ABR: variants seen among roughly 807,000 people sequenced by gnomAD.
ABR encodes active breakpoint cluster region-related protein.
In ABR, 35 loss-of-function variants were observed where a neutral mutation model predicts 107.2. The ratio of observed to expected loss-of-function variants is 0.33; its 90% CI spans 0.25 to 0.43. The LOEUF is 0.43. Among genes scored for constraint, ABR ranks in the 20% least tolerant of loss-of-function variants. ABR has a pLI of 1.00. For missense variants in ABR, 815 were observed against 1,115.2 expected (o/e 0.73, Z 3.83); for synonymous variants, 498 against 462.0 (o/e 1.08, Z -1.00).
At chr17:1,073,818 C>T in intron 6 of ABR, 141 bp from the exon 7 acceptor site, 2 of 676,442 alleles carry the variant, frequency 3.0e-6, no homozygotes, top group Non-Finnish European at 2.4e-6. Flanking sequence ...CCCACGGCAG[C>T]CCCCACCTCT....
At chr17:1,191,153 G>T (rs906298558), upstream of ABR, among the ~76,000 whole-genome samples, 3 of 152,084 alleles carry the variant, frequency 2.0e-5, no homozygotes, top group Admixed American at 2.0e-4. Context: ...CCAAAACAAA[G>T]AAATAAACAA....
At chr17:1,025,494 C>T (rs2072120884) in intron 16 of ABR, among the ~76,000 whole-genome samples, 1 of 152,184 alleles carries the variant, frequency 6.6e-6, no homozygotes, top group Admixed American at 6.5e-5. Flanking sequence ...GGATTAAAGG[C>T]CCTGTCCTGA....
chr17:1,109,270 G>C (rs1323672177), intron 2 of ABR, among the ~76,000 whole-genome samples: 1 of 151,880 alleles, frequency 6.6e-6, no homozygotes, highest in Non-Finnish European at 1.5e-5. Context: ...GTCCTCGCCC[G>C]GCGAAAGGGG....
upstream of ABR, among the ~76,000 whole-genome samples, chr17:1,188,378 G>A (rs376011438): frequency 6.6e-6 from 1 of 151,472 alleles, no homozygotes; most frequent in Non-Finnish European, 1.5e-5. Context: ...GTGAAACTCC[G>A]TCTCTACTAA....
At chr17:1,043,565 C>A (rs554488806) in intron 16 of ABR, among the ~76,000 whole-genome samples, 150 of 152,088 alleles carry the variant, frequency 9.9e-4, no homozygotes, top group African/African-American at 3.3e-3. Context: ...CTTGCTCTGT[C>A]ACCCAGGCTG....
At chr17:1,151,744 C>T (rs544335815) in intron 1 of ABR, among the ~76,000 whole-genome samples, 5 of 152,316 alleles carry the variant, frequency 3.3e-5, no homozygotes, top group East Asian at 3.9e-4. Flanking sequence ...CTGCCCGATC[C>T]GGCTCTTCTG....
At chr17:1,100,573 G>A (rs576590028) in intron 3 of ABR, 64 bp downstream of exon 3, 139 of 1,494,910 alleles carry the variant, frequency 9.3e-5, no homozygotes, top group Non-Finnish European at 1.2e-4. Context: ...AGCAGCTTCA[G>A]AGCATGACAT....
At chr17:1,086,193 C>A (rs915378172) in intron 4 of ABR, among the ~76,000 whole-genome samples, 7 of 152,248 alleles carry the variant, frequency 4.6e-5, no homozygotes, top group Admixed American at 4.6e-4. Flanking sequence ...AAATGATGTA[C>A]GTGGCTCATA....
At chr17:1,169,556 C>T (rs1159444306) in intron 1 of ABR, among the ~76,000 whole-genome samples, 2 of 152,154 alleles carry the variant, frequency 1.3e-5, no homozygotes, top group Non-Finnish European at 2.9e-5. Flanking sequence ...AGGTGTAAGC[C>T]CCCCAGACAC....
In ABR at chr17:1,179,706, C is replaced by T; in HGVS notation, c.22G>A (p.Gly8Ser). The T allele has an allele frequency of 6.4e-7, 1 of 1,558,540 alleles. No homozygotes were observed. Among genetic ancestry groups the T allele is most frequent in the Non-Finnish European group, 8.7e-7 (1 of 1,152,898 alleles). Residue 8 changes from glycine to serine, a missense_variant, in exon 1 of 23, where the codon GGC becomes AGC. Coordinates refer to ENST00000302538, the MANE Select transcript of ABR (RefSeq NM_021962.5). This position sits in a 1 kb window ranked among gnomAD's most constrained non-coding sequence, Gnocchi z 4.9. ...TCGATCCAGGACAGGCGCGGCAGGC[C>T]CCGGTGGCTGAGCGGCTCCATCCCG... MEPLSHR[G>S]LPRLSWIDTL...
At chr17:1,058,134 A>AACT in intron 11 of ABR, 89 bp from the exon 12 acceptor site, 7 of 471,540 alleles carry the variant, frequency 1.5e-5, no homozygotes, top group East Asian at 8.5e-5. Context: ...AGCTCCTTTT[A>AACT]TCTTTTTTTT....
At chr17:1,215,863 C>CTG (rs1216290641) in intron 1 of ABR, among the ~76,000 whole-genome samples, 2 of 144,914 alleles carry the variant, frequency 1.4e-5, no homozygotes, top group Non-Finnish European at 3.0e-5. Context: ...TCCTGTTGAT[C>CTG]TGTGACCTTA....
intron 8 of ABR, 139 bp downstream of exon 8, chr17:1,072,475 G>A: frequency 5.0e-6 from 2 of 403,988 alleles, no homozygotes; most frequent in Non-Finnish European, 8.4e-6. Flanking sequence ...GCCCGTGTGT[G>A]AGAGAAGGGG....
chr17:1,101,937 G>C (rs573136712), intron 2 of ABR, among the ~76,000 whole-genome samples: 49 of 152,176 alleles, frequency 3.2e-4, no homozygotes, highest in African/African-American at 1.1e-3. Context: ...ATTTCACCGT[G>C]TTAGCCAGGA....
At chr17:1,191,050 G>A (rs987272094), upstream of ABR, among the ~76,000 whole-genome samples, 11 of 152,218 alleles carry the variant, frequency 7.2e-5, no homozygotes, top group African/African-American at 2.4e-4. Context: ...TAACCACCAC[G>A]CCGGCCCGAG....
At chr17:1,138,293 G>C (rs1463988545) in intron 1 of ABR, among the ~76,000 whole-genome samples, 1 of 152,106 alleles carries the variant, frequency 6.6e-6, no homozygotes, top group Non-Finnish European at 1.5e-5. Context: ...GTGGCTTTCT[G>C]GGGGTGGACG....
At position 1,076,416 on chromosome 17, in the gene ABR, G is replaced by A. The variant is rs2035711676; in HGVS notation, c.701-2739C>T. On this transcript the variant is annotated intron_variant, in intron 6 of 22. Transcript: ENST00000302538. ...CACCTGTGGCTCAGCCCATCTTCAG[G>A]GGGAAAAAATCACACTGGAGAACCC... is the stretch of plus-strand genomic sequence containing the variant. Among the ~76,000 whole-genome samples the A allele has an allele frequency of 2.0e-5, 3 of 152,010 alleles. 1 individual carries two copies. In the Middle Eastern group the frequency reaches 0.01, roughly 517 times the overall value.
In ABR at chr17:1,005,349, T is replaced by C; in HGVS notation, c.*731A>G. On this transcript the variant is annotated 3_prime_UTR_variant, in exon 23 of 23. Coordinates refer to ENST00000302538, the MANE Select transcript of ABR (RefSeq NM_021962.5). ...ATTCCCAAACGGAAAATTCCAGAAA[T>C]GGGCGCTCCAGCTCTGTGCTAAGCT... 1 of 393,006 alleles carries C rather than the reference T, an allele frequency of 2.5e-6. No homozygotes were observed. The allele number at this position is 393,006 out of a possible 1,614,324, so 24.3% of individuals were successfully genotyped here.
chr17:1,048,991 G>T lies in ABR; in HGVS notation c.1791+1059C>A, dbSNP rs1597541904. Reference sequence around the variant, plus strand: ...AGGCCACACGAGGTACCAGACGGGAGTGTGAGCGGCTCCACCACGTCACGC... The same window carrying T: ...AGGCCACACGAGGTACCAGACGGGATTGTGAGCGGCTCCACCACGTCACGC... On this transcript the variant is annotated intron_variant, in intron 16 of 22. Coordinates refer to ENST00000302538, the MANE Select transcript of ABR (RefSeq NM_021962.5). Among the ~76,000 whole-genome samples, 4 of 152,204 alleles carry T rather than the reference G, an allele frequency of 2.6e-5. No individual in the cohort carries two copies. The South Asian group carries it at 8.3e-4, about 31-fold the overall frequency.
Sources: allele counts gnomAD v4.1 joint callset (sites outside exome capture counted in the v4.1 genomes callset), GRCh38; gene constraint gnomAD v4.1.1; non-coding constraint Gnocchi (gnomAD v3.1); transcripts MANE v1.5; gene names NCBI Gene and HGNC (gene_info 2026-07-23, HGNC 2026-07-21).